LHFPL3: variants seen among roughly 807,000 people sequenced by gnomAD.
LHFPL3 encodes LHFPL tetraspan subfamily member 3 protein.
LHFPL3 carries 5 observed loss-of-function variants against 19.3 expected under a neutral mutation model. The ratio of observed to expected loss-of-function variants is 0.26; its 90% CI spans 0.14 to 0.54. The LOEUF (loss-of-function observed/expected upper bound fraction) is 0.54. Ranked by LOEUF, LHFPL3 falls within the 20% of genes least tolerant of loss-of-function variation. The pLI is 0.94. For missense variants in LHFPL3, 249 were observed against 307.4 expected, an observed-to-expected ratio of 0.81 and a Z score of 1.42; for synonymous variants, 133 against 126.2, an observed-to-expected ratio of 1.05 and a Z score of -0.36.
intron 2 of LHFPL3, among the ~76,000 whole-genome samples, chr7:104,739,942 C>T (rs535876251): frequency 2.0e-5 from 3 of 152,166 alleles, no homozygotes; most frequent in African/African-American, 7.2e-5. Context: ...ATTGAAATCT[C>T]ATCTTAAATT....
chr7:104,748,865 G>A (rs1242261556), intron 2 of LHFPL3, among the ~76,000 whole-genome samples: 1 of 152,228 alleles, frequency 6.6e-6, no homozygotes, highest in Non-Finnish European at 1.5e-5. Context: ...ACCCACAGGT[G>A]TGGAGGGGCA....
intron 1 of LHFPL3, among the ~76,000 whole-genome samples, chr7:104,410,380 G>A (rs1360069027): frequency 2.6e-5 from 4 of 152,094 alleles, no homozygotes; most frequent in East Asian, 1.9e-4. Flanking sequence ...TGATCCACCC[G>A]CCTTGGCCTC....
At chr7:104,555,255 C>G (rs1329834967) in intron 1 of LHFPL3, among the ~76,000 whole-genome samples, 2 of 152,140 alleles carry the variant, frequency 1.3e-5, no homozygotes, top group Non-Finnish European at 2.9e-5. Flanking sequence ...GTGATTAGCC[C>G]TCATTAATGG....
At chr7:104,707,221 A>G (rs546706278) in intron 1 of LHFPL3, among the ~76,000 whole-genome samples, 2 of 152,300 alleles carry the variant, frequency 1.3e-5, no homozygotes, top group Admixed American at 1.3e-4. Flanking sequence ...ACCAATTCCC[A>G]GGGTACATAG....
intron 1 of LHFPL3, chr7:104,469,958 C>A: frequency 2.2e-6 from 1 of 455,136 alleles, no homozygotes; most frequent in Non-Finnish European, 4.4e-6. Flanking sequence ...GAAAACTGTA[C>A]GGAAATAGGT....
In LHFPL3 at chr7:104,329,113, A is replaced by G. The variant is rs989900139; in HGVS notation, c.334A>G (p.Ile112Val). 16 of 1,613,926 alleles carry G rather than the reference A, an allele frequency of 9.9e-6. No homozygotes were observed. The highest frequency in any genetic ancestry group is 1.4e-5 in the Non-Finnish European group (16 of 1,179,916). ...CGCCTTCAAAGCCGCCTCCTTCTTT[A>G]TCGGCCTCTCCATGATGCTCATCAT... ...SGAFKAASFF[I>V]GLSMMLIIAC... The change falls in exon 1 of 3, where the codon ATC becomes GTC. Residue 112 changes from isoleucine (I) to valine (V), a missense_variant. Ile to Val is a conservative substitution (Grantham distance 29). Transcript: ENST00000424859.
At chr7:104,688,500 T>C (rs918205775) in intron 1 of LHFPL3, among the ~76,000 whole-genome samples, 2 of 152,202 alleles carry the variant, frequency 1.3e-5, no homozygotes, top group Non-Finnish European at 2.9e-5. Context: ...AGGACCTTGA[T>C]GAAGCTGAGG....
intron 1 of LHFPL3, among the ~76,000 whole-genome samples, chr7:104,378,942 T>G (rs1250438706): frequency 6.6e-6 from 1 of 152,148 alleles, no homozygotes; most frequent in Non-Finnish European, 1.5e-5. Context: ...TTAAATAGAG[T>G]CTTTCAAAGA....
At position 104,667,825 on chromosome 7, in the gene LHFPL3, G is replaced by T. The variant is rs528895126; in HGVS notation, c.446-68850G>T. 2.1e-5 allele frequency: 33 copies of T among 1,609,612 alleles called. No individual in the cohort carries two copies. In the Admixed American group the frequency reaches 2.8e-4, roughly 14 times the overall value. On this transcript the variant is annotated intron_variant, in intron 1 of 2. Coordinates refer to ENST00000424859, the MANE Select transcript of LHFPL3 (RefSeq NM_199000.3). ...ACAGACTTTCTGGCTGAGGATGGGG[G>T]TACTGGTGGAGGAAGCACCTATGTT... is the stretch of plus-strand genomic sequence containing the variant.
chr7:104,623,014 G>A (rs1439533650), intron 1 of LHFPL3: 1 of 375,676 alleles, frequency 2.7e-6, no homozygotes, highest in Non-Finnish European at 5.5e-6. Flanking sequence ...TTTTTGATTT[G>A]CATTTCCCTG....
At chr7:104,670,594 A>G (rs1792458321) in intron 1 of LHFPL3, among the ~76,000 whole-genome samples, 1 of 152,162 alleles carries the variant, frequency 6.6e-6, no homozygotes, top group Non-Finnish European at 1.5e-5. Flanking sequence ...GAAAGGAAGA[A>G]TCGCTGCTTT....
intron 1 of LHFPL3, among the ~76,000 whole-genome samples, chr7:104,483,104 A>C (rs1239053247): frequency 6.6e-6 from 1 of 152,256 alleles, no homozygotes; most frequent in Admixed American, 6.5e-5. Context: ...GATGGAAGTC[A>C]CTAAATTCTG....
intron 1 of LHFPL3, among the ~76,000 whole-genome samples, chr7:104,671,385 T>G (rs927434174): frequency 2.0e-5 from 3 of 151,926 alleles, no homozygotes; most frequent in African/African-American, 7.3e-5. Context: ...TCCCCCCCAT[T>G]AAAATAGAAA....
chr7:104,685,672 C>G (rs1792791163), intron 1 of LHFPL3, among the ~76,000 whole-genome samples: 1 of 152,234 alleles, frequency 6.6e-6, no homozygotes, highest in African/African-American at 2.4e-5. Context: ...CACAAGAAGT[C>G]AGCTGAGCAT....
At chr7:104,363,082 T>G (rs1790420674) in intron 1 of LHFPL3, among the ~76,000 whole-genome samples, 1 of 152,244 alleles carries the variant, frequency 6.6e-6, no homozygotes, top group African/African-American at 2.4e-5. Flanking sequence ...TATAGCTAAC[T>G]TGTTGGTTTG....
Position 104,401,569 on chromosome 7 carries a change from A to G in LHFPL3, c.445+72345A>G, listed in dbSNP as rs367701956. Among the ~76,000 whole-genome samples, 16 of 152,340 alleles carry G rather than the reference A, an allele frequency of 1.1e-4. No individual in the cohort carries two copies. In the East Asian group the frequency reaches 3.1e-3, roughly 29 times the overall value. On this transcript the variant is annotated intron_variant, in intron 1 of 2. Coordinates refer to ENST00000424859, the MANE Select transcript of LHFPL3 (RefSeq NM_199000.3). ...TAGAATTTGAAAGACTAAAGCAGAA[A>G]TCCTAAACTCAAATAAATTTTATTT...
chr7:104,330,740 T>C (rs190249662), intron 1 of LHFPL3, among the ~76,000 whole-genome samples: 4 of 152,112 alleles, frequency 2.6e-5, no homozygotes, highest in Non-Finnish European at 5.9e-5. Flanking sequence ...CCCAACTTTT[T>C]CTAGCAATTC....
At chr7:104,462,972 G>T (rs1463475731) in intron 1 of LHFPL3, among the ~76,000 whole-genome samples, 5 of 151,928 alleles carry the variant, frequency 3.3e-5, no homozygotes, top group Admixed American at 6.6e-5. Context: ...GTCTTTGGAG[G>T]GTGTGTATGT....
intron 2 of LHFPL3, among the ~76,000 whole-genome samples, chr7:104,742,374 AG>A (rs1372803742): frequency 6.6e-6 from 1 of 152,234 alleles, no homozygotes; most frequent in Non-Finnish European, 1.5e-5. Flanking sequence ...AACCATCAAG[AG>A]GTGACTCCAG....
Sources: gnomAD v4.1 joint callset for allele counts (sites outside exome capture counted in the v4.1 genomes callset) on GRCh38, gnomAD v4.1.1 for gene constraint, MANE v1.5 for transcripts, NCBI Gene and HGNC (gene_info 2026-07-23, HGNC 2026-07-21) for gene names.